Variants in HERC2 observed in about 807,000 individuals in gnomAD.
HERC2 encodes the protein HECT and RLD domain containing E3 ubiquitin protein ligase 2.
In HERC2, 102 loss-of-function variants were observed where a neutral mutation model predicts 537.7. The ratio of observed to expected loss-of-function variants is 0.19; its 90% CI spans 0.16 to 0.22. HERC2 has a LOEUF of 0.22. Ranked by LOEUF, HERC2 falls within the 10% of genes least tolerant of loss-of-function variation. HERC2 has a pLI of 1.00. For synonymous variants in HERC2, 2,224 were observed against 2,466.2 expected, an observed-to-expected ratio of 0.90 and a Z score of 2.91; for missense variants, 4,236 against 6,198.2, an observed-to-expected ratio of 0.68 and a Z score of 10.63.
Position 28,270,819 on chromosome 15 carries a change from G to T in HERC2, c.1133C>A (p.Thr378Asn), listed in dbSNP as rs765916193. ...GGCAAGCTCGTTGTCTTGTGGAAGG[G>T]TGAGGTACCTCAGGAAACTCTCATT... ...SPNESFLRYLTLPQDNELAID... is the reference protein window; with the variant it reads ...SPNESFLRYLNLPQDNELAID... Residue 378 changes from threonine (T) to asparagine (N), a missense_variant, in exon 10 of 93, where the codon ACC becomes AAC. Transcript: ENST00000261609. 3.7e-6 allele frequency: 6 copies of T among 1,613,834 alleles called. No homozygotes were observed. The highest frequency in any genetic ancestry group is 3.3e-5 in the Admixed American group (2 of 59,986).
At chr15:28,291,350 A>C (rs1315076172) in intron 4 of HERC2, among the ~76,000 whole-genome samples, 1 of 152,120 alleles carries the variant, frequency 6.6e-6, no homozygotes, top group Non-Finnish European at 1.5e-5. Context: ...TCAGCATCCC[A>C]AAGTGCTGGG....
At chr15:28,165,689 TCCA>T (rs1197697971) in intron 68 of HERC2, among the ~76,000 whole-genome samples, 40 of 151,900 alleles carry the variant, frequency 2.6e-4, no homozygotes, top group Admixed American at 6.6e-4. Flanking sequence ...TGCTTGTAGT[TCCA>T]GCTACTTGGG....
chr15:28,263,086 C>T lies in HERC2; in HGVS notation c.1954G>A (p.Glu652Lys), dbSNP rs375037938. ...ACCACATCCAAGTCTTGAAGCTTTT[C>T]AATCAGCTTTGGGGTTTTGCAGCCA... ...SDGCKTPKLIEKLQDLDVVKV... is the reference protein window; with the variant it reads ...SDGCKTPKLIKKLQDLDVVKV... The change falls in exon 15 of 93, where the codon GAA (glutamate) becomes AAA (lysine). Residue 652 changes from glutamate to lysine, a missense_variant. Physicochemically the swap from Glu to Lys is moderately conservative, Grantham distance 56. Transcript: ENST00000261609. 469 of 1,614,050 alleles carry T rather than the reference C, an allele frequency of 2.9e-4. No homozygotes were observed. The highest frequency in any genetic ancestry group is 3.8e-4 in the Non-Finnish European group (452 of 1,180,040).
chr15:28,118,043 A>C (rs7497403), intron 86 of HERC2: 154,449 of 177,690 alleles, frequency 0.87, 70,586 homozygotes, highest in Non-Finnish European at 0.99. Context: ...CAGCTTACAG[A>C]GCAGGCTGCC....
rs191910494 is a variant in HERC2 at position 28,160,232 on chromosome 15, C to G, written c.10746+2862G>C. 9.0e-3 allele frequency among the ~76,000 whole-genome samples: 1,367 copies of G among 152,302 alleles called. 26 individuals carry two copies. The highest frequency in any genetic ancestry group is 0.031 in the African/African-American group (1,304 of 41,560). Reference sequence around the variant, plus strand: ...CCATTCTCAGGTCTCAAACTCCGTTCTGGGAGAACCACTACTCTCTTCAAA... The same window carrying G: ...CCATTCTCAGGTCTCAAACTCCGTTGTGGGAGAACCACTACTCTCTTCAAA... On this transcript the variant is annotated intron_variant, in intron 69 of 92. Transcript: ENST00000261609.
chr15:28,143,941 T>C lies in HERC2; in HGVS notation c.11350A>G (p.Thr3784Ala). 1.9e-6 allele frequency: 3 copies of C among 1,614,094 alleles called. No individual in the cohort carries two copies. Among genetic ancestry groups the C allele is most frequent in the Non-Finnish European group, 1.7e-6 (2 of 1,180,014 alleles). The change falls in exon 74 of 93, where the codon ACT becomes GCT. Residue 3784 changes from threonine to alanine, a missense_variant. By Grantham distance (58) the Thr-to-Ala change is moderately conservative (BLOSUM62 0). Transcript: ENST00000261609. The part of the protein sequence containing the change: ...ALQRLRKLLT[T>A]EFGQSININR... ...ATGTTAATTGACTGCCCAAATTCAG[T>C]TGTAAGCAGCTTCCTCAGTCTCTGA...
intron 57 of HERC2, among the ~76,000 whole-genome samples, chr15:28,179,578 G>A (rs928470990): frequency 2.0e-5 from 3 of 152,204 alleles, no homozygotes; most frequent in African/African-American, 4.8e-5. Context: ...TCACTCTCCT[G>A]TACTTTCTAT....
intron 48 of HERC2, among the ~76,000 whole-genome samples, chr15:28,200,684 T>G (rs1897821378): frequency 6.6e-6 from 1 of 151,962 alleles, no homozygotes; most frequent in Non-Finnish European, 1.5e-5. Flanking sequence ...TTAAAGCCAT[T>G]TCTGAGAAAA....
At chr15:28,215,901 A>T (rs1899848220) in intron 38 of HERC2, 99 bp from the exon 39 acceptor site, 2 of 885,662 alleles carry the variant, frequency 2.3e-6, no homozygotes, top group Non-Finnish European at 3.4e-6. Context: ...TATTTTTCTA[A>T]AATAAGCTCC....
chr15:28,124,302 T>C lies in HERC2; in HGVS notation c.12991-68A>G, dbSNP rs924941378. 4 of 1,088,462 alleles carry C rather than the reference T, an allele frequency of 3.7e-6. No homozygotes were observed. The South Asian group carries it at 9.1e-5, about 25-fold the overall frequency. 67.4% of individuals were successfully genotyped at this position (1,088,462 alleles called of 1,614,324 possible). The stretch of plus-strand genomic sequence containing the variant: ...CACACGGGGGCCAGTGTGGCATCCA[T>C]TAAGGATTCTGAAAACAATTGTTTC... On this transcript the variant is annotated intron_variant, in intron 84 of 92. Coordinates refer to ENST00000261609, the MANE Select transcript of HERC2 (RefSeq NM_004667.6).
At position 28,276,385 on chromosome 15, in the gene HERC2, C is replaced by T. The variant is rs116485971; in HGVS notation, c.543-1380G>A. 7.7e-3 allele frequency among the ~76,000 whole-genome samples: 1,169 copies of T among 152,072 alleles called. 21 individuals are homozygous for T. The highest frequency in any genetic ancestry group is 0.027 in the African/African-American group (1,111 of 41,462). On this transcript the variant is annotated intron_variant, in intron 5 of 92. Transcript: ENST00000261609. ...AACCTCTGAGAAGGGCACTGGGTAC[C>T]TGGAAGATGGAAATCTTTGCTCCTA... is the stretch of plus-strand genomic sequence containing the variant.
rs142369597 is a variant in HERC2, at chr15:28,292,098, G to A, written c.322+790C>T. ...CAAAAAATTAGCCAGGCATGGTGGCGGACACCTGTAATCCCAGCTACTCGG... is the reference window on the plus strand; with the variant it reads ...CAAAAAATTAGCCAGGCATGGTGGCAGACACCTGTAATCCCAGCTACTCGG... On this transcript the variant is annotated intron_variant, in intron 4 of 92. Coordinates refer to ENST00000261609, the MANE Select transcript of HERC2 (RefSeq NM_004667.6). 6.1e-4 allele frequency among the ~76,000 whole-genome samples: 92 copies of A among 151,086 alleles called. No individual in the cohort carries two copies. The East Asian group carries it at 0.013, about 22-fold the overall frequency.
chr15:28,190,858 T>C (rs1369897297), intron 55 of HERC2, 107 bp downstream of exon 55: 1 of 735,816 alleles, frequency 1.4e-6, no homozygotes, highest in African/African-American at 1.8e-5. Context: ...AAAGAACCAA[T>C]TATTTAAACG....
In HERC2 at chr15:28,265,884, A is replaced by G. The variant is rs764000702; in HGVS notation, c.1689T>C (p.Ser563=). The G allele has an allele frequency of 1.2e-6, 2 of 1,614,008 alleles. No individual in the cohort carries two copies. Among genetic ancestry groups the G allele is most frequent in the African/African-American group, 1.3e-5 (1 of 74,918 alleles). The change falls in exon 13 of 93, where the codon AGT becomes AGC. Residue 563 remains serine, a synonymous_variant. Coordinates refer to ENST00000261609, the MANE Select transcript of HERC2 (RefSeq NM_004667.6). The surrounding 1 kb of genome is among the most constrained non-coding windows in gnomAD (Gnocchi z 4.0). Reference sequence around the variant, plus strand: ...GCTCCCCCTCGGCAGTGATGGCCGCACTGTAAGTGCTCCCGCAAGCGATGT... The same window carrying G: ...GCTCCCCCTCGGCAGTGATGGCCGCGCTGTAAGTGCTCCCGCAAGCGATGT... ...VVHIACGSTY[S]AAITAEGELY...
At chr15:28,252,902 G>A (rs959311284) in intron 20 of HERC2, among the ~76,000 whole-genome samples, 12 of 152,232 alleles carry the variant, frequency 7.9e-5, no homozygotes, top group Middle Eastern at 3.4e-3. Flanking sequence ...CCCACCCCAC[G>A]CCACAGGCCC....
chr15:28,275,921 A>G (rs2075859511), intron 5 of HERC2, among the ~76,000 whole-genome samples: 1 of 152,184 alleles, frequency 6.6e-6, no homozygotes. Flanking sequence ...TATATTCTCC[A>G]AATTTACTAA....
intron 86 of HERC2, chr15:28,117,510 C>A (rs773239327): frequency 3.5e-6 from 2 of 573,940 alleles, no homozygotes; most frequent in African/African-American, 1.8e-5. Context: ...ACCCTAAGCA[C>A]TGCTGCTACT....
At chr15:28,135,129 C>G (rs908957274) in intron 79 of HERC2, among the ~76,000 whole-genome samples, 2 of 152,034 alleles carry the variant, frequency 1.3e-5, no homozygotes, top group African/African-American at 4.8e-5. Flanking sequence ...TCTTCCTCAC[C>G]CCTGCTATTT....
intron 70 of HERC2, among the ~76,000 whole-genome samples, chr15:28,152,414 G>A (rs1190022698): frequency 6.6e-6 from 1 of 152,206 alleles, no homozygotes; most frequent in Non-Finnish European, 1.5e-5. Flanking sequence ...ATTTGCCACA[G>A]GTTAGGTCTA....
Sources: allele counts gnomAD v4.1 joint callset (sites outside exome capture counted in the v4.1 genomes callset), GRCh38; gene constraint gnomAD v4.1.1; non-coding constraint Gnocchi (gnomAD v3.1); transcripts MANE v1.5; gene names NCBI Gene and HGNC (gene_info 2026-07-23, HGNC 2026-07-21).